Variants in COL23A1 observed in about 807,000 individuals in gnomAD.
The protein encoded by COL23A1 is collagen alpha-1(XXIII) chain.
In COL23A1, 97 loss-of-function variants were observed where a neutral mutation model predicts 99.3. The ratio of observed to expected loss-of-function variants is 0.98; its 90% CI spans 0.83 to 1.16. The LOEUF is 1.16. COL23A1 is among the 50% of genes most tolerant of loss of function. The pLI is 0.00. For missense variants in COL23A1, 762 were observed against 757.4 expected, an observed-to-expected ratio of 1.01 and a Z score of -0.07; for synonymous variants, 320 against 308.2, an observed-to-expected ratio of 1.04 and a Z score of -0.40.
At chr5:178,348,455 C>A (rs982456762) in intron 2 of COL23A1, among the ~76,000 whole-genome samples, 8 of 152,196 alleles carry the variant, frequency 5.3e-5, no homozygotes, top group Non-Finnish European at 1.0e-4. Flanking sequence ...CCCTGTCATG[C>A]TGCATTCTGG....
In COL23A1 at chr5:178,306,404, G is replaced by A. The variant is rs1758355422; in HGVS notation, c.406+471C>T. On this transcript the variant is annotated intron_variant, in intron 3 of 28. Coordinates refer to ENST00000390654, the MANE Select transcript of COL23A1 (RefSeq NM_173465.4). This position sits in a 1 kb window ranked among gnomAD's most constrained non-coding sequence, Gnocchi z 4.1. ...AGAGACAGCAGGAAGGAAGGGTGGT[G>A]AATACAGGTGCCTCTGTGGGCTGCA... Among the ~76,000 whole-genome samples the A allele has an allele frequency of 1.3e-5, 2 of 151,992 alleles. No homozygotes were observed. The highest frequency in any genetic ancestry group is 2.9e-5 in the Non-Finnish European group (2 of 67,960).
At chr5:178,246,989 G>A (rs535018954) in intron 22 of COL23A1, among the ~76,000 whole-genome samples, 16 of 152,320 alleles carry the variant, frequency 1.1e-4, no homozygotes, top group South Asian at 1.0e-3. Context: ...CAGGAGGGTG[G>A]TGTGACAAGG....
intron 2 of COL23A1, among the ~76,000 whole-genome samples, chr5:178,382,599 C>G (rs936462850): frequency 6.6e-6 from 1 of 152,176 alleles, no homozygotes; most frequent in Admixed American, 6.5e-5. Flanking sequence ...AGCCCAGCAC[C>G]AAAGGTGGGT....
chr5:178,299,213 T>G (rs776846767), intron 3 of COL23A1, among the ~76,000 whole-genome samples: 3 of 152,268 alleles, frequency 2.0e-5, no homozygotes, highest in Admixed American at 6.5e-5. Context: ...TTAAAGGGTT[T>G]GTGAAAGATT....
At chr5:178,435,490 C>G (rs1182754013) in intron 2 of COL23A1, among the ~76,000 whole-genome samples, 1 of 152,240 alleles carries the variant, frequency 6.6e-6, no homozygotes, top group Non-Finnish European at 1.5e-5. Flanking sequence ...GGGTGCAGAC[C>G]ACGCATGGCT....
chr5:178,462,271 C>A (rs749022247), intron 2 of COL23A1, among the ~76,000 whole-genome samples: 1 of 152,168 alleles, frequency 6.6e-6, no homozygotes, highest in Non-Finnish European at 1.5e-5. Flanking sequence ...CAATCCCCAA[C>A]ACAGCTTTTA....
At chr5:178,379,901 G>A (rs1763287988) in intron 2 of COL23A1, among the ~76,000 whole-genome samples, 3 of 150,944 alleles carry the variant, frequency 2.0e-5, no homozygotes, top group Non-Finnish European at 3.0e-5. Flanking sequence ...AAAAAGAAAA[G>A]AAAAAGAAAA....
At chr5:178,398,344 C>G (rs1764257136) in intron 2 of COL23A1, among the ~76,000 whole-genome samples, 1 of 152,286 alleles carries the variant, frequency 6.6e-6, no homozygotes, top group Non-Finnish European at 1.5e-5. Context: ...AAAAAATTCT[C>G]AGCTGGGCAT....
intron 1 of COL23A1, among the ~76,000 whole-genome samples, chr5:178,585,740 G>GGTTGAT (rs1193106192): frequency 3.3e-5 from 5 of 151,996 alleles, no homozygotes; most frequent in South Asian, 2.1e-4. Context: ...CCACAGCCCT[G>GGTTGAT]GCTGACCCTG....
chr5:178,326,087 C>T (rs73344878), intron 2 of COL23A1, among the ~76,000 whole-genome samples: 2,836 of 152,280 alleles, frequency 0.019, 95 homozygotes, highest in African/African-American at 0.065. Context: ...GAGACAGGCC[C>T]ATTTTTTTTC....
chr5:178,276,367 G>T (rs938176980), intron 5 of COL23A1, among the ~76,000 whole-genome samples: 8 of 152,242 alleles, frequency 5.3e-5, no homozygotes, highest in Admixed American at 1.3e-4. Context: ...AATTAATGCT[G>T]ACGGTTCCTG....
At chr5:178,274,539 T>G (rs1350134942) in intron 5 of COL23A1, among the ~76,000 whole-genome samples, 1 of 148,540 alleles carries the variant, frequency 6.7e-6, no homozygotes, top group Non-Finnish European at 1.5e-5. Flanking sequence ...AGCCCCAGAC[T>G]GGGCGGGGGC....
At position 178,318,623 on chromosome 5, in the gene COL23A1, C is replaced by T. The variant is rs575764250; in HGVS notation, c.362-11704G>A. On this transcript the variant is annotated intron_variant, in intron 2 of 28. Coordinates refer to ENST00000390654, the MANE Select transcript of COL23A1 (RefSeq NM_173465.4). ...GCGACTCCAGAAAGGGGCTTTCGGC[C>T]GGGCGCGGTGGCTCACACCTATAAT... is the stretch of plus-strand genomic sequence containing the variant. Among the ~76,000 whole-genome samples the T allele has an allele frequency of 5.6e-4, 86 of 152,268 alleles. 2 individuals are homozygous for T. In the South Asian group the frequency reaches 0.016, roughly 28 times the overall value.
intron 2 of COL23A1, among the ~76,000 whole-genome samples, chr5:178,474,192 G>T (rs1239246432): frequency 6.6e-6 from 1 of 152,152 alleles, no homozygotes; most frequent in Non-Finnish European, 1.5e-5. Flanking sequence ...CAAGTCCTTG[G>T]CTTTCATCAG....
At chr5:178,270,511 G>A in intron 5 of COL23A1, 148 bp from the exon 6 acceptor site, 2 of 861,130 alleles carry the variant, frequency 2.3e-6, no homozygotes, top group Non-Finnish European at 3.8e-6. Context: ...CTGGGGCTGA[G>A]GGAGGGGAAG....
intron 2 of COL23A1, among the ~76,000 whole-genome samples, chr5:178,514,299 C>T (rs1271133398): frequency 6.6e-6 from 1 of 152,220 alleles, no homozygotes; most frequent in Non-Finnish European, 1.5e-5. Flanking sequence ...GCACAGACCG[C>T]TTATCCCTTC....
chr5:178,247,122 CAA>C (rs1764741433), intron 22 of COL23A1, among the ~76,000 whole-genome samples: 1 of 146,764 alleles, frequency 6.8e-6, no homozygotes, highest in Non-Finnish European at 1.5e-5. Flanking sequence ...ACACCAAGCC[CAA>C]GACTTTGTGC....
chr5:178,393,650 T>C (rs1316547230), intron 2 of COL23A1, among the ~76,000 whole-genome samples: 2 of 137,506 alleles, frequency 1.5e-5, no homozygotes, highest in African/African-American at 6.3e-5. Context: ...TTCCCTCTTT[T>C]CCTTTTTTTT....
rs111489344 is a variant in COL23A1 at position 178,535,185 on chromosome 5, G to A, written c.361+25497C>T. Among the ~76,000 whole-genome samples the A allele has an allele frequency of 3.5e-3, 528 of 152,012 alleles. 1 individual carries two copies. Among genetic ancestry groups the A allele is most frequent in the Non-Finnish European group, 6.1e-3 (417 of 67,980 alleles). On this transcript the variant is annotated intron_variant, in intron 2 of 28. Coordinates refer to ENST00000390654, the MANE Select transcript of COL23A1 (RefSeq NM_173465.4). Reference sequence around the variant, plus strand: ...GACAGGGTTTCACCATGTTGACCACGTTGGTCTCAAACTCCGGACCTCAAG... The same window carrying A: ...GACAGGGTTTCACCATGTTGACCACATTGGTCTCAAACTCCGGACCTCAAG...
Sources: allele counts gnomAD v4.1 joint callset (sites outside exome capture counted in the v4.1 genomes callset), GRCh38; gene constraint gnomAD v4.1.1; non-coding constraint Gnocchi (gnomAD v3.1); transcripts MANE v1.5; gene names NCBI Gene and HGNC (gene_info 2026-07-23, HGNC 2026-07-21).